Variants in MAN1C1 observed in about 807,000 individuals in gnomAD.
The protein encoded by MAN1C1 is mannosidase alpha class 1C member 1, also known as mannosyl-oligosaccharide 1,2-alpha-mannosidase IC.
A neutral mutation model predicts 71.5 loss-of-function variants in MAN1C1; 49 were observed. The ratio of observed to expected loss-of-function variants is 0.69; its 90% confidence interval spans 0.54 to 0.87. The LOEUF (loss-of-function observed/expected upper bound fraction) is 0.87, where lower values mean the gene tolerates loss of function less well. Ranked by LOEUF, MAN1C1 falls within the 40% of genes least tolerant of loss-of-function variation. MAN1C1 has a pLI of 0.00. For synonymous variants in MAN1C1, 352 were observed against 343.7 expected, an observed-to-expected ratio of 1.02 and a Z score of -0.27; for missense variants, 743 against 835.0, an observed-to-expected ratio of 0.89 and a Z score of 1.36.
At chr1:25,628,841 T>C (rs150695979) in intron 1 of MAN1C1, among the ~76,000 whole-genome samples, 226 of 152,304 alleles carry the variant, frequency 1.5e-3, no homozygotes, top group African/African-American at 5.1e-3. Flanking sequence ...TGAGAACATA[T>C]AATATTTGGT....
At chr1:25,752,463 G>A (rs2047229975) in intron 4 of MAN1C1, among the ~76,000 whole-genome samples, 1 of 152,154 alleles carries the variant, frequency 6.6e-6, no homozygotes, top group Non-Finnish European at 1.5e-5. Flanking sequence ...CACCGTGCCT[G>A]GCCCACAGCA....
intron 2 of MAN1C1, among the ~76,000 whole-genome samples, chr1:25,716,199 T>C (rs1331929583): frequency 1.3e-5 from 2 of 152,228 alleles, no homozygotes; most frequent in Non-Finnish European, 2.9e-5. Flanking sequence ...CCCATGGCCA[T>C]GTGCTCAGCT....
rs75709016 is a variant in MAN1C1, at chr1:25,630,947, TTTTG to T, written c.540+12634_540+12637del. Among the ~76,000 whole-genome samples, 653 of 151,476 alleles carry T rather than the reference TTTTG, an allele frequency of 4.3e-3. 2 individuals carry two copies. Among genetic ancestry groups the T allele is most frequent in the African/African-American group, 9.3e-3 (384 of 41,364 alleles). ...CTGGCTAGGACTTCCAGTACTATGT[TTTTG>T]TTTGTTTGTTTGTTTGTTTGTTTTT... On this transcript the variant is annotated intron_variant, in intron 1 of 11. Transcript: ENST00000374332.
intron 10 of MAN1C1, 130 bp downstream of exon 10, chr1:25,781,242 A>G: frequency 1.0e-6 from 1 of 975,964 alleles, no homozygotes; most frequent in Non-Finnish European, 1.5e-6. Flanking sequence ...CACAGTTCAG[A>G]GTGCAAAGGG....
intron 2 of MAN1C1, among the ~76,000 whole-genome samples, chr1:25,699,241 G>A (rs763898066): frequency 1.3e-5 from 2 of 150,640 alleles, no homozygotes; most frequent in African/African-American, 2.4e-5. Flanking sequence ...TCGAGATTGC[G>A]GTGAGCTGAG....
At chr1:25,760,598 A>G (rs960504364) in intron 6 of MAN1C1, 1 of 152,198 alleles carries the variant, frequency 6.6e-6, no homozygotes, top group Non-Finnish European at 1.5e-5. Flanking sequence ...ACGCAGGTAC[A>G]AGCACATTCC....
intron 1 of MAN1C1, among the ~76,000 whole-genome samples, chr1:25,620,127 G>A (rs535867062): frequency 6.6e-6 from 1 of 152,330 alleles, no homozygotes; most frequent in East Asian, 1.9e-4. Context: ...TATTTTGCCA[G>A]CAGAGTCTGG....
rs1261032678 is a variant in MAN1C1, at chr1:25,746,160, C to T, written c.638-508C>T. 6.6e-6 allele frequency among the ~76,000 whole-genome samples: 1 copy of T among 152,040 alleles called. No homozygotes were observed. Among genetic ancestry groups the T allele is most frequent in the African/African-American group, 2.4e-5 (1 of 41,388 alleles). ...TCTCTACTAAAAATACAAAAATTAT[C>T]TGGGCGTGGTGGTGGACACCTGTGG... On this transcript the variant is annotated intron_variant, in intron 2 of 11. Transcript: ENST00000374332. This position sits in a 1 kb window ranked among gnomAD's most constrained non-coding sequence, Gnocchi z 4.0.
intron 1 of MAN1C1, among the ~76,000 whole-genome samples, chr1:25,626,823 C>A (rs1572102888): frequency 6.6e-6 from 1 of 151,942 alleles, no homozygotes; most frequent in Non-Finnish European, 1.5e-5. Flanking sequence ...AATGTTTGTT[C>A]CCAGTCTATG....
At chr1:25,665,788 G>A (rs2045914533) in intron 1 of MAN1C1, among the ~76,000 whole-genome samples, 1 of 149,942 alleles carries the variant, frequency 6.7e-6, no homozygotes, top group Non-Finnish European at 1.5e-5. Flanking sequence ...GTTATCACCA[G>A]AAGTACTCAA....
At chr1:25,738,640 G>A (rs753134213) in intron 2 of MAN1C1, among the ~76,000 whole-genome samples, 1 of 152,216 alleles carries the variant, frequency 6.6e-6, no homozygotes, top group Non-Finnish European at 1.5e-5. Flanking sequence ...CTCGACAGCT[G>A]GGTGGTAGTA....
At chr1:25,680,229 ATTTTT>A (rs985297437) in intron 1 of MAN1C1, among the ~76,000 whole-genome samples, 1 of 151,822 alleles carries the variant, frequency 6.6e-6, no homozygotes, top group Non-Finnish European at 1.5e-5. Context: ...CACCTGGCTA[ATTTTT>A]GTATGTTTAG....
At chr1:25,700,231 C>A (rs2046421149) in intron 2 of MAN1C1, among the ~76,000 whole-genome samples, 1 of 152,180 alleles carries the variant, frequency 6.6e-6, no homozygotes. Flanking sequence ...ATAACTGCTG[C>A]TGTCTAATCC....
At chr1:25,748,325 G>A (rs1411573064) in intron 3 of MAN1C1, among the ~76,000 whole-genome samples, 2 of 152,180 alleles carry the variant, frequency 1.3e-5, no homozygotes, top group East Asian at 3.8e-4. Flanking sequence ...GGTTTTGCAG[G>A]TGCTCTGTGG....
chr1:25,758,001 C>T (rs961799463), intron 5 of MAN1C1, among the ~76,000 whole-genome samples: 1 of 152,256 alleles, frequency 6.6e-6, no homozygotes, highest in Admixed American at 6.5e-5. Context: ...GATGTGTGGT[C>T]ACACCAGAGC....
chr1:25,631,669 G>C lies in MAN1C1; in HGVS notation c.540+13332G>C, dbSNP rs969541100. Among the ~76,000 whole-genome samples the C allele has an allele frequency of 1.3e-5, 2 of 152,044 alleles. No individual in the cohort carries two copies. The highest frequency in any genetic ancestry group is 2.9e-5 in the Non-Finnish European group (2 of 68,016). Reference sequence around the variant, plus strand: ...AGCTTGTATTTTGCTGAGGATTTTTGCATCTGTATTCATCAGGGACATTGG... The same window carrying C: ...AGCTTGTATTTTGCTGAGGATTTTTCCATCTGTATTCATCAGGGACATTGG... On this transcript the variant is annotated intron_variant, in intron 1 of 11. Transcript: ENST00000374332. This position sits in a 1 kb window ranked among gnomAD's most constrained non-coding sequence, Gnocchi z 4.2.
At chr1:25,714,046 A>G (rs546985396) in intron 2 of MAN1C1, among the ~76,000 whole-genome samples, 167 of 152,370 alleles carry the variant, frequency 1.1e-3, no homozygotes, top group Non-Finnish European at 2.1e-3. Context: ...ACACTTTAAA[A>G]TGCAGCGTAG....
At chr1:25,681,939 AC>A (rs910679687) in intron 1 of MAN1C1, among the ~76,000 whole-genome samples, 5 of 149,112 alleles carry the variant, frequency 3.4e-5, no homozygotes, top group African/African-American at 1.3e-4. Flanking sequence ...TGCTAGTCTA[AC>A]CCCCTATTTG....
intron 2 of MAN1C1, among the ~76,000 whole-genome samples, chr1:25,697,950 C>T (rs757162352): frequency 6.6e-6 from 1 of 152,152 alleles, no homozygotes; most frequent in Non-Finnish European, 1.5e-5. Flanking sequence ...ATCATCAAAC[C>T]CCACAATGTT....
Sources: allele counts gnomAD v4.1 joint callset (sites outside exome capture counted in the v4.1 genomes callset), GRCh38; gene constraint gnomAD v4.1.1; non-coding constraint Gnocchi (gnomAD v3.1); transcripts MANE v1.5; gene names NCBI Gene and HGNC (gene_info 2026-07-23, HGNC 2026-07-21).